The following ARHGAP8 variants were observed in gnomAD, a reference collection of about 807,000 sequenced individuals.
The protein encoded by ARHGAP8 is Rho GTPase activating protein 8.
ARHGAP8 carries 62 observed loss-of-function variants against 46.1 expected under a neutral mutation model. The ratio of observed to expected loss-of-function variants is 1.34; its 90% CI spans 1.10 to 1.66. The LOEUF is 1.66. Among genes scored for constraint, ARHGAP8 ranks in the 40% most tolerant of loss-of-function variants. The pLI, the probability that ARHGAP8 is intolerant of heterozygous loss-of-function variation, is 0.00. For missense variants in ARHGAP8, 923 were observed against 568.4 expected, an observed-to-expected ratio of 1.62 and a Z score of -6.34; for synonymous variants, 375 against 243.1, an observed-to-expected ratio of 1.54 and a Z score of -5.05.
Position 44,859,728 on chromosome 22 carries a change from C to G in ARHGAP8, c.878-3C>G, listed in dbSNP as rs376132233. 3.1e-6 allele frequency: 5 copies of G among 1,613,284 alleles called. No individual in the cohort carries two copies. Among genetic ancestry groups the G allele is most frequent in the African/African-American group, 1.3e-5 (1 of 74,942 alleles). ...CTCAGCAGGGAGCCCCATGCCCTTC[C>G]AGGTGTGGAGAGCAGCCTGCGTGTC... is the stretch of plus-strand genomic sequence containing the variant. On this transcript the variant is annotated splice_polypyrimidine_tract_variant and splice_region_variant and intron_variant, in intron 10 of 11. Coordinates refer to ENST00000356099, the MANE Select transcript of ARHGAP8 (RefSeq NM_181335.3).
chr22:44,779,113 T>TA (rs1394698345), intron 1 of ARHGAP8, among the ~76,000 whole-genome samples: 2 of 146,872 alleles, frequency 1.4e-5, no homozygotes, highest in Non-Finnish European at 3.0e-5. Context: ...TTTTTTTTTT[T>TA]TTTTGAGACA....
intron 1 of ARHGAP8, among the ~76,000 whole-genome samples, chr22:44,756,847 A>T (rs1007766831): frequency 5.3e-5 from 8 of 152,060 alleles, no homozygotes; most frequent in African/African-American, 1.9e-4. Context: ...ATGTTAAATC[A>T]AGCTTGAATC....
chr22:44,859,822 C>G lies in ARHGAP8; in HGVS notation c.969C>G (p.Gly323=), dbSNP rs374070656. Residue 323 remains glycine, a synonymous_variant, in exon 11 of 12, where the codon GGC becomes GGG. Transcript: ENST00000356099. ...HNYVVLRYLM[G]FLHAVSRESI... is the part of the protein sequence containing the mutation. Reference sequence around the variant, plus strand: ...ACGTCGTCCTCCGCTACCTCATGGGCTTCCTGCATGCGGTGAGTGGGGAAG... The same window carrying G: ...ACGTCGTCCTCCGCTACCTCATGGGGTTCCTGCATGCGGTGAGTGGGGAAG... 1.2e-6 allele frequency: 2 copies of G among 1,613,784 alleles called. No homozygotes were observed. Among genetic ancestry groups the G allele is most frequent in the African/African-American group, 1.3e-5 (1 of 75,056 alleles).
At chr22:44,846,324 G>A (rs972979827) in intron 8 of ARHGAP8, among the ~76,000 whole-genome samples, 3 of 152,254 alleles carry the variant, frequency 2.0e-5, no homozygotes, top group African/African-American at 7.2e-5. Flanking sequence ...CAGGTGGGTG[G>A]TCTTGGAAAA....
intron 1 of ARHGAP8, among the ~76,000 whole-genome samples, chr22:44,776,344 C>T (rs895366653): frequency 3.3e-5 from 5 of 151,624 alleles, no homozygotes; most frequent in Admixed American, 6.6e-5. Context: ...CCCAGCTACT[C>T]GGGAGGCCGA....
At chr22:44,837,104 C>T (rs1322230702) in intron 7 of ARHGAP8, among the ~76,000 whole-genome samples, 5 of 152,150 alleles carry the variant, frequency 3.3e-5, no homozygotes, top group South Asian at 2.1e-4. Flanking sequence ...AGGCTGGTCT[C>T]GAATTCCCGA....
At chr22:44,855,919 T>A (rs2070209326) in intron 10 of ARHGAP8, among the ~76,000 whole-genome samples, 1 of 152,200 alleles carries the variant, frequency 6.6e-6, no homozygotes, top group African/African-American at 2.4e-5. Flanking sequence ...GGTGTTGGCA[T>A]CTGCTTGGCT....
chr22:44,862,445 G>A lies in ARHGAP8; in HGVS notation c.1152G>A (p.Pro384=), dbSNP rs147677675. 4.5e-4 allele frequency: 722 copies of A among 1,613,968 alleles called. 1 individual carries two copies. The highest frequency in any genetic ancestry group is 8.2e-4 in the Middle Eastern group (5 of 6,062). Reference sequence around the variant, plus strand: ...ACTATGAAAAGATCTTCAGCACCCCGGAGGCACCTGGGGAGCACGGCCTGG... The same window carrying A: ...ACTATGAAAAGATCTTCAGCACCCCAGAGGCACCTGGGGAGCACGGCCTGG... ...IEYYEKIFST[P]EAPGEHGLAP... Residue 384 remains proline (P), a synonymous_variant, in exon 12 of 12, where the codon CCG becomes CCA. Transcript: ENST00000356099.
chr22:44,848,768 C>T (rs569663099), intron 9 of ARHGAP8, among the ~76,000 whole-genome samples, 164 bp from the exon 10 acceptor site: 10 of 152,250 alleles, frequency 6.6e-5, no homozygotes, highest in Non-Finnish European at 1.5e-4. Context: ...GGGGCCAGAG[C>T]ACACCCATTT....
chr22:44,858,547 TTTTTA>T (rs1431179346), intron 10 of ARHGAP8, among the ~76,000 whole-genome samples: 1,577 of 138,108 alleles, frequency 0.011, 50 homozygotes, highest in African/African-American at 0.033. Context: ...TTTTTTTTTT[TTTTTA>T]AGTAACAGGG....
At chr22:44,780,056 G>A (rs776223418) in intron 1 of ARHGAP8, among the ~76,000 whole-genome samples, 22 of 152,182 alleles carry the variant, frequency 1.4e-4, no homozygotes, top group African/African-American at 2.4e-4. Flanking sequence ...GAGCGTGTCC[G>A]GGCTGGACTT....
intron 5 of ARHGAP8, among the ~76,000 whole-genome samples, chr22:44,821,205 GCGGATCA>G (rs136658): frequency 0.025 from 3,767 of 152,214 alleles, 55 homozygotes; most frequent in Non-Finnish European, 0.037. Context: ...GCCAAGGCGG[GCGGATCA>G]CGAGGTCAGG....
At chr22:44,846,612 C>T (rs2094907678) in intron 8 of ARHGAP8, among the ~76,000 whole-genome samples, 1 of 152,312 alleles carries the variant, frequency 6.6e-6, no homozygotes, top group Non-Finnish European at 1.5e-5. Flanking sequence ...TGGACTGCCC[C>T]TCCTTGCCCT....
intron 8 of ARHGAP8, among the ~76,000 whole-genome samples, chr22:44,845,597 G>A (rs1007905174): frequency 2.0e-5 from 3 of 152,180 alleles, no homozygotes; most frequent in African/African-American, 7.2e-5. Flanking sequence ...GTCCAGTGGG[G>A]TTAATAACAA....
At chr22:44,774,518 A>ATTTTT (rs132473) in intron 1 of ARHGAP8, among the ~76,000 whole-genome samples, 1 of 119,492 alleles carries the variant, frequency 8.4e-6, no homozygotes, top group African/African-American at 3.0e-5. Flanking sequence ...TCTTTGGGAG[A>ATTTTT]TTTTTTTTTT....
intron 1 of ARHGAP8, among the ~76,000 whole-genome samples, chr22:44,754,622 C>T (rs1212078410): frequency 1.3e-5 from 2 of 152,114 alleles, no homozygotes; most frequent in East Asian, 3.9e-4. Context: ...TTCCAAAGTG[C>T]TTGGAGTGCT....
intron 2 of ARHGAP8, among the ~76,000 whole-genome samples, chr22:44,798,956 C>T (rs58018015): frequency 0.094 from 14,350 of 152,242 alleles, 858 homozygotes; most frequent in African/African-American, 0.15. Context: ...TGCTTTCGTC[C>T]TGGAAGGTGC....
chr22:44,781,233 T>G (rs567834960), intron 1 of ARHGAP8, among the ~76,000 whole-genome samples: 11,212 of 152,148 alleles, frequency 0.074, 862 homozygotes, highest in African/African-American at 0.2. Flanking sequence ...CTTCGTGGAA[T>G]TTTACATACA....
intron 1 of ARHGAP8, among the ~76,000 whole-genome samples, chr22:44,763,312 C>A (rs183363051): frequency 2.0e-5 from 3 of 151,650 alleles, no homozygotes; most frequent in African/African-American, 2.4e-5. Context: ...ACCTGGCCAA[C>A]ATGGTGAAAC....
Sources: allele counts gnomAD v4.1 joint callset (sites outside exome capture counted in the v4.1 genomes callset), GRCh38; gene constraint gnomAD v4.1.1; transcripts MANE v1.5; gene names NCBI Gene and HGNC (gene_info 2026-07-23, HGNC 2026-07-21).